The following KIF13A variants were observed in gnomAD, a reference collection of about 807,000 sequenced individuals.
KIF13A encodes kinesin-like protein KIF13A.
KIF13A carries 79 observed loss-of-function variants against 212.2 expected under a neutral mutation model. The ratio of observed to expected loss-of-function variants is 0.37; its 90% CI spans 0.31 to 0.45. The LOEUF (loss-of-function observed/expected upper bound fraction) is 0.45, where lower values mean the gene tolerates loss of function less well. KIF13A is among the 20% of genes least tolerant of loss of function. KIF13A has a pLI of 1.00. For synonymous variants in KIF13A, 789 were observed against 808.6 expected, an observed-to-expected ratio of 0.98 and a Z score of 0.41; for missense variants, 1,901 against 2,209.0, an observed-to-expected ratio of 0.86 and a Z score of 2.79.
In KIF13A at chr6:17,771,613, T is replaced by A. The variant is rs1375080275; in HGVS notation, c.4476+295A>T. ...AAAAGACAAAAAAGAAAAATAATTT[T>A]AAAAAAGGCCTTTAATCTTTTCAAA... On this transcript the variant is annotated intron_variant, in intron 37 of 38. Coordinates refer to ENST00000259711, the MANE Select transcript of KIF13A (RefSeq NM_022113.6). This position sits in a 1 kb window ranked among gnomAD's most constrained non-coding sequence, Gnocchi z 5.4. 5 of 342,100 alleles carry A rather than the reference T, an allele frequency of 1.5e-5. No homozygotes were observed. The highest frequency in any genetic ancestry group is 2.6e-5 in the Non-Finnish European group (5 of 189,848). The allele number at this position is 342,100 out of a possible 1,614,324, so 21.2% of individuals were successfully genotyped here. A position where few individuals can be genotyped will look rare whatever the true frequency, so the allele number is the denominator to read the frequency against.
intron 3 of KIF13A, chr6:17,881,587 C>T (rs1410656463): frequency 5.3e-6 from 2 of 375,236 alleles, no homozygotes; most frequent in Non-Finnish European, 1.0e-5. Flanking sequence ...ATCCCAGCTA[C>T]TCGGAAGGCT....
intron 12 of KIF13A, among the ~76,000 whole-genome samples, chr6:17,833,256 A>C (rs1765617350): frequency 1.3e-5 from 2 of 151,920 alleles, no homozygotes; most frequent in African/African-American, 4.8e-5. Context: ...GCACTCTGGG[A>C]AGCTGAGGCA....
chr6:17,796,002 T>C (rs958888546), intron 23 of KIF13A, among the ~76,000 whole-genome samples: 10 of 152,196 alleles, frequency 6.6e-5, no homozygotes, highest in East Asian at 1.9e-4. Flanking sequence ...TTTCTCCACA[T>C]AGAGATGTAG....
At chr6:17,844,828 C>T (rs1766860978) in intron 9 of KIF13A, among the ~76,000 whole-genome samples, 1 of 152,136 alleles carries the variant, frequency 6.6e-6, no homozygotes, top group Non-Finnish European at 1.5e-5. Flanking sequence ...GAGTAATGGA[C>T]AGAAGTAAGC....
rs928080567 is a variant in KIF13A at position 17,872,871 on chromosome 6, A to T, written c.220+506T>A. ...AGCTGGTCTTGAACTCCTGACCTCA[A>T]GTGATCCGCCCACCTCGGCCTCCCA... is the stretch of plus-strand genomic sequence containing the variant. On this transcript the variant is annotated intron_variant, in intron 4 of 38. Coordinates refer to ENST00000259711, the MANE Select transcript of KIF13A (RefSeq NM_022113.6). This position sits in a 1 kb window ranked among gnomAD's most constrained non-coding sequence, Gnocchi z 4.7. 2.6e-5 allele frequency among the ~76,000 whole-genome samples: 4 copies of T among 152,102 alleles called. No individual in the cohort carries two copies. The highest frequency in any genetic ancestry group is 9.7e-5 in the African/African-American group (4 of 41,416).
At chr6:17,944,532 G>C (rs1777219918) in intron 2 of KIF13A, among the ~76,000 whole-genome samples, 1 of 152,078 alleles carries the variant, frequency 6.6e-6, no homozygotes, top group Admixed American at 6.6e-5. Flanking sequence ...ACATGAACAG[G>C]AGGCCAAAGA....
rs1004215553 is a variant in KIF13A at position 17,777,226 on chromosome 6, A to C, written c.4170+51T>G. On this transcript the variant is annotated intron_variant, in intron 34 of 38. Coordinates refer to ENST00000259711, the MANE Select transcript of KIF13A (RefSeq NM_022113.6). The surrounding 1 kb of genome is among the most constrained non-coding windows in gnomAD (Gnocchi z 4.4). Reference sequence around the variant, plus strand: ...TGTGAATCCCACCTTCCCCCACCCCAGAGGCTGCGACATGTCACATAGGAG... The same window carrying C: ...TGTGAATCCCACCTTCCCCCACCCCCGAGGCTGCGACATGTCACATAGGAG... 9.0e-6 allele frequency: 13 copies of C among 1,448,306 alleles called. No individual in the cohort carries two copies. The highest frequency in any genetic ancestry group is 1.7e-4 in the Middle Eastern group (1 of 5,768). 89.7% of individuals were successfully genotyped at this position (1,448,306 alleles called of 1,614,324 possible).
chr6:17,921,313 G>C (rs1221171688), intron 2 of KIF13A, among the ~76,000 whole-genome samples: 3 of 152,158 alleles, frequency 2.0e-5, no homozygotes, highest in African/African-American at 7.2e-5. Flanking sequence ...GCAAACATTA[G>C]CATCCAGTTC....
chr6:17,785,133 C>A lies in KIF13A; in HGVS notation c.3488+382G>T, dbSNP rs1561968838. On this transcript the variant is annotated intron_variant, in intron 28 of 38. Coordinates refer to ENST00000259711, the MANE Select transcript of KIF13A (RefSeq NM_022113.6). The surrounding 1 kb of genome is among the most constrained non-coding windows in gnomAD (Gnocchi z 5.8). ...TATCATATATAAGGTATTTTATATACATTATCTCTAATTCTCACAATACTA... is the reference window on the plus strand; with the variant it reads ...TATCATATATAAGGTATTTTATATAAATTATCTCTAATTCTCACAATACTA... Among the ~76,000 whole-genome samples the A allele has an allele frequency of 6.6e-6, 1 of 152,136 alleles. No individual in the cohort carries two copies. Among genetic ancestry groups the A allele is most frequent in the Non-Finnish European group, 1.5e-5 (1 of 68,030 alleles).
chr6:17,866,827 G>A (rs4997563), intron 4 of KIF13A, among the ~76,000 whole-genome samples: 958 of 4,212 alleles, frequency 0.23, 173 homozygotes, highest in African/African-American at 0.37. Context: ...AAAAAGCAGC[G>A]CATATATATA....
rs559268232 is a variant in KIF13A at position 17,871,047 on chromosome 6, G to A, written c.220+2330C>T. ...CCTGAAATTCAAACACAGGTCTCACGTCAAAATCCATGTGCTCTCCTTGAC... is the reference window on the plus strand; with the variant it reads ...CCTGAAATTCAAACACAGGTCTCACATCAAAATCCATGTGCTCTCCTTGAC... On this transcript the variant is annotated intron_variant, in intron 4 of 38. Coordinates refer to ENST00000259711, the MANE Select transcript of KIF13A (RefSeq NM_022113.6). The surrounding 1 kb of genome is among the most constrained non-coding windows in gnomAD (Gnocchi z 4.4). Among the ~76,000 whole-genome samples the A allele has an allele frequency of 2.0e-5, 3 of 152,288 alleles. No homozygotes were observed. Among genetic ancestry groups the A allele is most frequent in the Non-Finnish European group, 4.4e-5 (3 of 68,024 alleles).
chr6:17,905,865 G>A (rs898524007), intron 2 of KIF13A, among the ~76,000 whole-genome samples: 7 of 152,212 alleles, frequency 4.6e-5, no homozygotes, highest in Non-Finnish European at 1.5e-5. Flanking sequence ...TGATGGTATA[G>A]GGATGAGGTT....
chr6:17,966,798 ACACT>A (rs199728942), intron 2 of KIF13A, among the ~76,000 whole-genome samples: 2,037 of 152,300 alleles, frequency 0.013, 17 homozygotes, highest in South Asian at 0.02. Flanking sequence ...ATAATAACAC[ACACT>A]AAGAAAAATA....
chr6:17,836,816 T>C, intron 11 of KIF13A, 62 bp downstream of exon 11: 9 of 1,459,344 alleles, frequency 6.2e-6, no homozygotes, highest in Non-Finnish European at 4.8e-6. Flanking sequence ...GAGCACACCC[T>C]TGCCAGTCAA....
Position 17,982,429 on chromosome 6 carries a change from G to A in KIF13A, c.146+4625C>T, listed in dbSNP as rs956535278. 23 of 984,598 alleles carry A rather than the reference G, an allele frequency of 2.3e-5. No homozygotes were observed. Among genetic ancestry groups the A allele is most frequent in the Non-Finnish European group, 2.4e-5 (20 of 829,350 alleles). The allele number at this position is 984,598 out of a possible 1,614,324, so 61.0% of individuals were successfully genotyped here. ...ATTTGGAGCATTTTAGATTTCAGAT[G>A]TTCAGACAGGGATACCGCTGGTGAA... On this transcript the variant is annotated intron_variant, in intron 2 of 38. Coordinates refer to ENST00000259711, the MANE Select transcript of KIF13A (RefSeq NM_022113.6). This position sits in a 1 kb window ranked among gnomAD's most constrained non-coding sequence, Gnocchi z 5.1.
At chr6:17,823,446 C>G (rs550971036) in intron 16 of KIF13A, among the ~76,000 whole-genome samples, 1 of 146,494 alleles carries the variant, frequency 6.8e-6, no homozygotes, top group African/African-American at 2.6e-5. Context: ...GCCTTCCTCC[C>G]TCTCTTTTTC....
intron 9 of KIF13A, among the ~76,000 whole-genome samples, chr6:17,844,809 C>T (rs1203938239): frequency 6.6e-6 from 1 of 152,148 alleles, no homozygotes; most frequent in African/African-American, 2.4e-5. Flanking sequence ...AAGAAGGACA[C>T]CCACCCTTGA....
intron 6 of KIF13A, among the ~76,000 whole-genome samples, chr6:17,853,235 A>G (rs1403322548): frequency 6.6e-6 from 1 of 152,176 alleles, no homozygotes; most frequent in African/African-American, 2.4e-5. Context: ...GAAGAATTCA[A>G]TGTGACAGTG....
chr6:17,939,661 G>C (rs370809431), intron 2 of KIF13A, among the ~76,000 whole-genome samples: 9 of 152,110 alleles, frequency 5.9e-5, no homozygotes, highest in Non-Finnish European at 1.3e-4. Context: ...GTAAAGAAGC[G>C]GCTAAAACCT....
Sources: allele counts gnomAD v4.1 joint callset (sites outside exome capture counted in the v4.1 genomes callset), GRCh38; gene constraint gnomAD v4.1.1; non-coding constraint Gnocchi (gnomAD v3.1); transcripts MANE v1.5; gene names NCBI Gene and HGNC (gene_info 2026-07-23, HGNC 2026-07-21).